PCDHA12: variants seen among roughly 807,000 people sequenced by gnomAD.
PCDHA12 encodes the protein protocadherin alpha 12.
In PCDHA12, 44 loss-of-function variants were observed where a neutral mutation model predicts 60.0. That is an observed-to-expected ratio of 0.73 (90% CI 0.58 to 0.94). The LOEUF (loss-of-function observed/expected upper bound fraction) is 0.94, where lower values mean the gene tolerates loss of function less well. PCDHA12 is among the 40% of genes least tolerant of loss of function. PCDHA12 has a pLI of 0.00. For synonymous variants in PCDHA12, 569 were observed against 553.0 expected (o/e 1.03, Z -0.40); for missense variants, 1,276 against 1,239.7 (o/e 1.03, Z -0.44).
chr5:140,877,408 C>A lies in PCDHA12; in HGVS notation c.1936C>A (p.Arg646Ser). ...GGATGAGGCGGACGCTCCGCGCCAC[C>A]GCCTGCTGGTGCTGGTGAAGGACCA... ...ILDEADAPRH[R>S]LLVLVKDHGE... Residue 646 changes from arginine (R) to serine (S), a missense_variant, in exon 1 of 4, where the codon CGC becomes AGC. Physicochemically the swap from Arg to Ser is moderately radical, Grantham distance 110. Coordinates refer to ENST00000398631, the MANE Select transcript of PCDHA12 (RefSeq NM_018903.4). 6.2e-7 allele frequency: 1 copy of A among 1,613,924 alleles called. No individual in the cohort carries two copies. The highest frequency in any genetic ancestry group is 1.1e-5 in the South Asian group (1 of 91,074).
At chr5:140,986,508 G>T (rs1043049646) in intron 3 of PCDHA12, among the ~76,000 whole-genome samples, 26 of 152,184 alleles carry the variant, frequency 1.7e-4, no homozygotes, top group African/African-American at 5.3e-4. Context: ...TAAAAGGACT[G>T]CCCCTGCCTG....
At chr5:140,947,635 G>T (rs1170525936) in intron 1 of PCDHA12, among the ~76,000 whole-genome samples, 1 of 151,538 alleles carries the variant, frequency 6.6e-6, no homozygotes, top group Non-Finnish European at 1.5e-5. Flanking sequence ...TCATCAGATC[G>T]TATGAACATA....
intron 1 of PCDHA12, chr5:140,968,154 A>G (rs782200456): frequency 3.7e-6 from 6 of 1,614,162 alleles, no homozygotes; most frequent in South Asian, 1.1e-5. Flanking sequence ...TCTGACATCA[A>G]TGACAATCCA....
intron 1 of PCDHA12, among the ~76,000 whole-genome samples, chr5:140,947,661 T>C (rs2094159982): frequency 6.6e-6 from 1 of 151,672 alleles, no homozygotes; most frequent in South Asian, 2.1e-4. Context: ...CTCCATTTAC[T>C]TGGGTCTTTA....
chr5:140,974,975 T>A (rs782637911), intron 1 of PCDHA12, among the ~76,000 whole-genome samples: 1 of 152,222 alleles, frequency 6.6e-6, no homozygotes, highest in African/African-American at 2.4e-5. Context: ...GTGGCTGAGT[T>A]GTCCGCTCAG....
At chr5:141,008,356 A>G (rs1440951671) in intron 3 of PCDHA12, among the ~76,000 whole-genome samples, 1 of 152,204 alleles carries the variant, frequency 6.6e-6, no homozygotes, top group Non-Finnish European at 1.5e-5. Context: ...CGTGTCAACC[A>G]AAGGAGCAGT....
Position 141,010,015 on chromosome 5 carries a change from C to T in PCDHA12, c.*78C>T, listed in dbSNP as rs1588250671. On this transcript the variant is annotated 3_prime_UTR_variant, in exon 4 of 4. Transcript: ENST00000398631. ...CTCTCCCATGTAGCAATTCCCTGCTCCTTTTTCCTATCTACATGAGCCCTC... is the reference window on the plus strand; with the variant it reads ...CTCTCCCATGTAGCAATTCCCTGCTTCTTTTTCCTATCTACATGAGCCCTC... 7 of 1,572,182 alleles carry T rather than the reference C, an allele frequency of 4.5e-6. No individual in the cohort carries two copies. In the East Asian group the frequency reaches 1.3e-4, roughly 30 times the overall value.
At chr5:140,915,069 C>T (rs2076962975) in intron 1 of PCDHA12, among the ~76,000 whole-genome samples, 2 of 151,484 alleles carry the variant, frequency 1.3e-5, no homozygotes, top group Admixed American at 6.6e-5. Flanking sequence ...CCTTAGCCTA[C>T]TGAGTAGCTG....
intron 1 of PCDHA12, among the ~76,000 whole-genome samples, chr5:140,936,603 C>T (rs552102837): frequency 2.0e-5 from 3 of 152,324 alleles, no homozygotes; most frequent in Admixed American, 6.5e-5. Context: ...CTACTTTCCT[C>T]GCTGCTACTG....
At chr5:140,888,593 A>C (rs1165427237) in intron 1 of PCDHA12, among the ~76,000 whole-genome samples, 1 of 152,256 alleles carries the variant, frequency 6.6e-6, no homozygotes, top group Admixed American at 6.5e-5. Context: ...GTACACATTC[A>C]GAGCAGCTTT....
chr5:140,899,253 A>T (rs1340284203), intron 1 of PCDHA12, among the ~76,000 whole-genome samples: 1 of 152,284 alleles, frequency 6.6e-6, no homozygotes, highest in East Asian at 1.9e-4. Context: ...GAGAGAGGGC[A>T]TCCCTGTCTT....
At chr5:140,882,160 C>G (rs2058982745) in intron 1 of PCDHA12, 8 of 1,509,868 alleles carry the variant, frequency 5.3e-6, no homozygotes, top group Non-Finnish European at 7.1e-6. Flanking sequence ...CGGAATACCT[C>G]TTGCGAATCC....
chr5:140,944,710 T>C (rs564606677), intron 1 of PCDHA12, among the ~76,000 whole-genome samples: 1 of 152,300 alleles, frequency 6.6e-6, no homozygotes, highest in East Asian at 1.9e-4. Flanking sequence ...TCAGGTTATT[T>C]TGCCTTTGAA....
chr5:140,974,534 G>A (rs929112962), intron 1 of PCDHA12, among the ~76,000 whole-genome samples: 4 of 151,974 alleles, frequency 2.6e-5, no homozygotes, highest in Admixed American at 1.3e-4. Flanking sequence ...TTTTTGAGAC[G>A]GAGTTTTGCT....
At chr5:140,965,657 T>TA (rs2095920205) in intron 1 of PCDHA12, among the ~76,000 whole-genome samples, 2 of 152,196 alleles carry the variant, frequency 1.3e-5, no homozygotes, top group Non-Finnish European at 2.9e-5. Context: ...AGAAAATGTC[T>TA]TGGGTGATAA....
chr5:140,961,648 G>A (rs367674015), intron 1 of PCDHA12, among the ~76,000 whole-genome samples: 1 of 152,156 alleles, frequency 6.6e-6, no homozygotes, highest in African/African-American at 2.4e-5. Flanking sequence ...AGTCTATGTG[G>A]TTAGTTTGAA....
At chr5:140,966,528 G>T (rs567098369) in intron 1 of PCDHA12, 235 of 446,634 alleles carry the variant, frequency 5.3e-4, no homozygotes, top group Non-Finnish European at 7.8e-4. Context: ...AGCCGAGCCG[G>T]GTTGAGCGAC....
At chr5:140,999,182 G>T (rs1285087964) in intron 3 of PCDHA12, among the ~76,000 whole-genome samples, 4 of 152,204 alleles carry the variant, frequency 2.6e-5, no homozygotes, top group Non-Finnish European at 5.9e-5. Context: ...CTGATGGGGA[G>T]AGGGTCCTTG....
chr5:140,988,673 A>G (rs2153876025), intron 3 of PCDHA12, among the ~76,000 whole-genome samples: 1 of 152,344 alleles, frequency 6.6e-6, no homozygotes, highest in South Asian at 2.1e-4. Context: ...AGACTCTAAG[A>G]TAATTCTTTC....
Sources: gnomAD v4.1 joint callset for allele counts (sites outside exome capture counted in the v4.1 genomes callset) on GRCh38, gnomAD v4.1.1 for gene constraint, MANE v1.5 for transcripts, NCBI Gene and HGNC (gene_info 2026-07-23, HGNC 2026-07-21) for gene names.